The following LGALS3BP variants were observed in gnomAD, a reference collection of about 807,000 sequenced individuals.
LGALS3BP encodes the protein galectin-3-binding protein.
LGALS3BP carries 25 observed loss-of-function variants against 22.9 expected under a neutral mutation model. That is an observed-to-expected ratio of 1.09 (90% CI 0.80 to 1.53). The LOEUF (loss-of-function observed/expected upper bound fraction) is 1.53. Ranked by LOEUF, LGALS3BP falls within the 40% of genes most tolerant of loss-of-function variation. The pLI is 0.00. For synonymous variants in LGALS3BP, 335 were observed against 331.1 expected (o/e 1.01, Z -0.13); for missense variants, 718 against 752.0 (o/e 0.95, Z 0.53).
In LGALS3BP at chr17:78,972,349, T is replaced by C. The variant is rs1443626310; in HGVS notation, c.985A>G (p.Ser329Gly). The C allele has an allele frequency of 1.9e-6, 3 of 1,613,422 alleles. No homozygotes were observed. The highest frequency in any genetic ancestry group is 1.7e-5 in the Admixed American group (1 of 60,028). Residue 329 changes from serine to glycine, a missense_variant, in exon 6 of 6, where the codon AGC becomes GGC. Ser to Gly is a moderately conservative substitution (Grantham distance 56). Transcript: ENST00000262776. This position sits in a 1 kb window ranked among gnomAD's most constrained non-coding sequence, Gnocchi z 5.1. ...TCATGGGAGGCACGCTCCCCCCAGC[T>C]CCAGGTGTCCACGGCCTTCAGTAGG... is the stretch of plus-strand genomic sequence containing the variant. ...LALLKAVDTW[S>G]WGERASHEEV...
At position 78,971,923 on chromosome 17, in the gene LGALS3BP, A is replaced by G. The variant is rs780127170; in HGVS notation, c.1411T>C (p.Phe471Leu). ...GACCAGGACACCCTCTTGTCCTGGA[A>G]GAGGAAGCTGGGGTGTTGTGGAGTC... ...FQTPQHPSFL[F>L]QDKRVSWSLV... The change falls in exon 6 of 6, where the codon TTC becomes CTC. Residue 471 changes from phenylalanine to leucine, a missense_variant. Phe to Leu is a conservative substitution (Grantham distance 22, BLOSUM62 0). Coordinates refer to ENST00000262776, the MANE Select transcript of LGALS3BP (RefSeq NM_005567.4). The surrounding 1 kb of genome is among the most constrained non-coding windows in gnomAD (Gnocchi z 5.6). 2 of 1,614,118 alleles carry G rather than the reference A, an allele frequency of 1.2e-6. No homozygotes were observed. Among genetic ancestry groups the G allele is most frequent in the Admixed American group, 1.7e-5 (1 of 60,020 alleles).
chr17:78,974,678 C>T lies in LGALS3BP; in HGVS notation c.376+10G>A, dbSNP rs1458394087. On this transcript the variant is annotated intron_variant, in intron 4 of 5. Coordinates refer to ENST00000262776, the MANE Select transcript of LGALS3BP (RefSeq NM_005567.4). Reference sequence around the variant, plus strand: ...CTGGGGCCTCCGCAGGGAGGTGCGCCCCCGCTCACCATTGGTGCAGACCAC... The same window carrying T: ...CTGGGGCCTCCGCAGGGAGGTGCGCTCCCGCTCACCATTGGTGCAGACCAC... The T allele has an allele frequency of 1.2e-6, 2 of 1,611,446 alleles. No homozygotes were observed. The highest frequency in any genetic ancestry group is 3.3e-5 in the Admixed American group (2 of 59,936).
chr17:78,979,170 C>T (rs1401303306), intron 1 of LGALS3BP, among the ~76,000 whole-genome samples: 1 of 152,242 alleles, frequency 6.6e-6, no homozygotes, highest in Non-Finnish European at 1.5e-5. Flanking sequence ...TGAGACCCGG[C>T]TGCCTGTGTT....
At chr17:78,979,022 C>T (rs1427004160) in intron 1 of LGALS3BP, among the ~76,000 whole-genome samples, 1 of 151,910 alleles carries the variant, frequency 6.6e-6, no homozygotes, top group Non-Finnish European at 1.5e-5. Flanking sequence ...TTGTAGTGAG[C>T]CGCTGCACTC....
chr17:78,977,905 C>T (rs1464600089), intron 1 of LGALS3BP, among the ~76,000 whole-genome samples: 2 of 152,188 alleles, frequency 1.3e-5, no homozygotes, highest in East Asian at 1.9e-4. Context: ...GAAGTATCCC[C>T]AAGACACTGA....
intron 1 of LGALS3BP, chr17:78,977,568 G>A (rs1403613740): frequency 1.9e-5 from 5 of 262,874 alleles, no homozygotes; most frequent in South Asian, 4.5e-5. Flanking sequence ...GGGCATGGGC[G>A]GGGAGATGGA....
rs1763630719 is a variant in LGALS3BP, at chr17:78,973,988, T to C, written c.376+700A>G. 6.6e-6 allele frequency among the ~76,000 whole-genome samples: 1 copy of C among 152,182 alleles called. No homozygotes were observed. The highest frequency in any genetic ancestry group is 2.4e-5 in the African/African-American group (1 of 41,448). ...CCCGTGTGCTCCCCGCCGCCTCCCCTGGCCCCCGACAGCCCCATGGCGTCT... is the reference window on the plus strand; with the variant it reads ...CCCGTGTGCTCCCCGCCGCCTCCCCCGGCCCCCGACAGCCCCATGGCGTCT... On this transcript the variant is annotated intron_variant, in intron 4 of 5. Transcript: ENST00000262776. This position sits in a 1 kb window ranked among gnomAD's most constrained non-coding sequence, Gnocchi z 5.8.
intron 1 of LGALS3BP, among the ~76,000 whole-genome samples, chr17:78,978,144 G>A (rs1028785494): frequency 2.0e-5 from 3 of 152,196 alleles, no homozygotes; most frequent in African/African-American, 7.2e-5. Context: ...TGTGGGCACC[G>A]GCTGGGAGTC....
At chr17:78,977,030 C>T (rs746478268) in intron 2 of LGALS3BP, 110 bp downstream of exon 2, 9 of 1,136,178 alleles carry the variant, frequency 7.9e-6, no homozygotes, top group East Asian at 2.5e-5. Context: ...TCTGGCTAAC[C>T]GCTGGGCCCC....
Position 78,976,137 on chromosome 17 carries a change from C to T in LGALS3BP, c.72G>A (p.Met24Ile). 6.3e-7 allele frequency: 1 copy of T among 1,586,690 alleles called. No homozygotes were observed. Among genetic ancestry groups the T allele is most frequent in the Non-Finnish European group, 8.6e-7 (1 of 1,167,204 alleles). Residue 24 changes from methionine (M) to isoleucine (I), a missense_variant, in exon 3 of 6, where the codon ATG (methionine) becomes ATA (isoleucine). Coordinates refer to ENST00000262776, the MANE Select transcript of LGALS3BP (RefSeq NM_005567.4). The surrounding 1 kb of genome is among the most constrained non-coding windows in gnomAD (Gnocchi z 4.6). ...TGGTGGCGCCCCCATCGGCCAGCCG[C>T]ATGTCACCATCGTTCACGCCTGCAG... ...AGTQGVNDGD[M>I]RLADGGATNQ...
At chr17:78,975,064 A>C (rs1381319979) in intron 3 of LGALS3BP, 1 of 522,874 alleles carries the variant, frequency 1.9e-6, no homozygotes, top group East Asian at 3.2e-5. Flanking sequence ...ATTCATGTAT[A>C]GTAATTGTGT....
Position 78,974,720 on chromosome 17 carries a change from T to A in LGALS3BP, c.344A>T (p.His115Leu). The change falls in exon 4 of 6, where the codon CAC becomes CTC. Residue 115 changes from histidine to leucine, a missense_variant. Transcript: ENST00000262776. ...GCAGACCACACCAGCGTCTCTCTCG[T>A]GCCTGCAGTTGCTCTTCAGCCAGCC... ...SLGWLKSNCRHERDAGVVCTN... is the reference protein window; with the variant it reads ...SLGWLKSNCRLERDAGVVCTN... 6.2e-7 allele frequency: 1 copy of A among 1,613,794 alleles called. No homozygotes were observed. The highest frequency in any genetic ancestry group is 8.5e-7 in the Non-Finnish European group (1 of 1,179,992).
intron 1 of LGALS3BP, among the ~76,000 whole-genome samples, chr17:78,978,768 A>G (rs112596959): frequency 0.019 from 2,935 of 152,302 alleles, 47 homozygotes; most frequent in Non-Finnish European, 0.027. Flanking sequence ...AGGGCCTTGG[A>G]AAAATGGCCA....
intron 1 of LGALS3BP, 25 bp from the exon 2 acceptor site, chr17:78,977,239 T>G (rs1418469171): frequency 6.3e-7 from 1 of 1,596,384 alleles, no homozygotes; most frequent in Non-Finnish European, 8.5e-7. Context: ...AGCGGAGGGG[T>G]GAGGCACGGG....
At position 78,976,115 on chromosome 17, in the gene LGALS3BP, T is replaced by G; in HGVS notation, c.94A>C (p.Thr32Pro). ...AAGATCTCCACGCGGCCCTGGTTGG[T>G]GGCGCCCCCATCGGCCAGCCGCATG... Reference protein sequence around the residue: ...GDMRLADGGATNQGRVEIFYR... With the variant: ...GDMRLADGGAPNQGRVEIFYR... Residue 32 changes from threonine to proline, a missense_variant, in exon 3 of 6, where the codon ACC becomes CCC. By Grantham distance (38) the Thr-to-Pro change is conservative (BLOSUM62 -1). Coordinates refer to ENST00000262776, the MANE Select transcript of LGALS3BP (RefSeq NM_005567.4). This position sits in a 1 kb window ranked among gnomAD's most constrained non-coding sequence, Gnocchi z 4.6. The G allele has an allele frequency of 6.3e-7, 1 of 1,599,346 alleles. No individual in the cohort carries two copies. The highest frequency in any genetic ancestry group is 8.5e-7 in the Non-Finnish European group (1 of 1,173,820).
chr17:78,973,986 C>T lies in LGALS3BP; in HGVS notation c.376+702G>A, dbSNP rs1183472590. 6.6e-6 allele frequency among the ~76,000 whole-genome samples: 1 copy of T among 152,236 alleles called. No individual in the cohort carries two copies. The highest frequency in any genetic ancestry group is 2.4e-5 in the African/African-American group (1 of 41,466). On this transcript the variant is annotated intron_variant, in intron 4 of 5. Coordinates refer to ENST00000262776, the MANE Select transcript of LGALS3BP (RefSeq NM_005567.4). The surrounding 1 kb of genome is among the most constrained non-coding windows in gnomAD (Gnocchi z 5.8). ...GCCCCGTGTGCTCCCCGCCGCCTCC[C>T]CTGGCCCCCGACAGCCCCATGGCGT...
rs1182671941 is a variant in LGALS3BP, at chr17:78,971,910, C to T, written c.1424G>A (p.Arg475Lys). 2.5e-6 allele frequency: 4 copies of T among 1,613,944 alleles called. No homozygotes were observed. Among genetic ancestry groups the T allele is most frequent in the African/African-American group, 1.3e-5 (1 of 74,896 alleles). The change falls in exon 6 of 6, where the codon AGG becomes AAG. Residue 475 changes from arginine to lysine, a missense_variant. Physicochemically the swap from Arg to Lys is conservative, Grantham distance 26 (BLOSUM62 2). Transcript: ENST00000262776. The surrounding 1 kb of genome is among the most constrained non-coding windows in gnomAD (Gnocchi z 5.6). ...QHPSFLFQDKRVSWSLVYLPT... is the reference protein window; with the variant it reads ...QHPSFLFQDKKVSWSLVYLPT... ...GAGGTAGACCAGGGACCAGGACACC[C>T]TCTTGTCCTGGAAGAGGAAGCTGGG... is the stretch of plus-strand genomic sequence containing the variant.
chr17:78,971,681 G>C lies in LGALS3BP; in HGVS notation c.1653C>G (p.Asn551Lys). ...GGAAGGAGGAGGTGCTCTTCGAGCT[G>C]TTGGTGTCCAGGGCACTGGGAATCG... Reference protein sequence around the residue: ...KAAIPSALDTNSSKSTSSFPC... With the variant: ...KAAIPSALDTKSSKSTSSFPC... Residue 551 changes from asparagine to lysine, a missense_variant, in exon 6 of 6, where the codon AAC (asparagine) becomes AAG (lysine). Coordinates refer to ENST00000262776, the MANE Select transcript of LGALS3BP (RefSeq NM_005567.4). This position sits in a 1 kb window ranked among gnomAD's most constrained non-coding sequence, Gnocchi z 5.6. 6.2e-7 allele frequency: 1 copy of C among 1,613,942 alleles called. No individual in the cohort carries two copies.
chr17:78,975,565 G>A (rs1010035523), intron 3 of LGALS3BP, among the ~76,000 whole-genome samples: 5 of 152,036 alleles, frequency 3.3e-5, no homozygotes, highest in East Asian at 1.9e-4. Flanking sequence ...TGAGGCGGGC[G>A]GATCACTTGA....
Sources: gnomAD v4.1 joint callset for allele counts (sites outside exome capture counted in the v4.1 genomes callset) on GRCh38, gnomAD v4.1.1 for gene constraint, Gnocchi (gnomAD v3.1) non-coding constraint, MANE v1.5 for transcripts, NCBI Gene and HGNC (gene_info 2026-07-23, HGNC 2026-07-21) for gene names.